SPATA13: variants seen among roughly 807,000 people sequenced by gnomAD.
SPATA13 encodes spermatogenesis associated 13.
In SPATA13, 50 loss-of-function variants were observed where a neutral mutation model predicts 104.0. The observed-to-expected ratio is 0.48, with a 90% CI of 0.38 to 0.61. The LOEUF is 0.61. Ranked by LOEUF, SPATA13 falls within the 20% of genes least tolerant of loss-of-function variation. The pLI is 0.00. For missense variants in SPATA13, 1,524 were observed against 1,690.6 expected (o/e 0.90, Z 1.73); for synonymous variants, 606 against 667.5 (o/e 0.91, Z 1.42).
intron 2 of SPATA13, among the ~76,000 whole-genome samples, chr13:24,232,676 G>C (rs1274612610): frequency 3.3e-5 from 5 of 152,128 alleles, no homozygotes; most frequent in African/African-American, 9.7e-5. Context: ...CCCCCACCCA[G>C]TAGCTGGGAC....
intron 2 of SPATA13, among the ~76,000 whole-genome samples, chr13:24,244,071 G>A (rs1228444400): frequency 6.6e-6 from 1 of 152,180 alleles, no homozygotes; most frequent in African/African-American, 2.4e-5. Context: ...GGGCTTCTTA[G>A]CCTCTTCCAG....
At chr13:24,290,602 T>C (rs1337892719) in intron 8 of SPATA13, 50 bp from the exon 9 acceptor site, 1 of 1,423,042 alleles carries the variant, frequency 7.0e-7, no homozygotes, top group African/African-American at 1.4e-5. Context: ...GTCTTTGTCA[T>C]GTCCCAGAGG....
chr13:24,167,680 C>T (rs182038260), intron 1 of SPATA13, among the ~76,000 whole-genome samples: 22 of 152,346 alleles, frequency 1.4e-4, no homozygotes, highest in African/African-American at 4.6e-4. Flanking sequence ...TACACACACA[C>T]ACACTCACTC....
intron 2 of SPATA13, among the ~76,000 whole-genome samples, chr13:24,240,219 C>T (rs1006174789): frequency 7.9e-5 from 12 of 151,858 alleles, no homozygotes; most frequent in Non-Finnish European, 1.2e-4. Flanking sequence ...GTGATTGCAC[C>T]ACTGCACTGC....
At chr13:24,235,190 T>G (rs1455850959) in intron 2 of SPATA13, among the ~76,000 whole-genome samples, 21 of 152,204 alleles carry the variant, frequency 1.4e-4, no homozygotes, top group Admixed American at 1.3e-3. Context: ...GACCTCGCCC[T>G]GAGTTACAAA....
chr13:24,001,847 G>A (rs1038751955), intron 2 of SPATA13, among the ~76,000 whole-genome samples: 2 of 151,976 alleles, frequency 1.3e-5, no homozygotes, highest in African/African-American at 4.8e-5. Flanking sequence ...GAGAGGCTCC[G>A]GCACTGACCC....
chr13:24,104,940 G>T (rs1189080512), intron 3 of SPATA13, among the ~76,000 whole-genome samples: 2 of 152,052 alleles, frequency 1.3e-5, no homozygotes, highest in African/African-American at 4.8e-5. Flanking sequence ...TTCTAGAATG[G>T]TGTCATCTCC....
At chr13:24,076,336 G>A (rs759712963) in intron 3 of SPATA13, among the ~76,000 whole-genome samples, 2 of 152,100 alleles carry the variant, frequency 1.3e-5, no homozygotes, top group African/African-American at 2.4e-5. Context: ...CAGACTCTCC[G>A]TCCCTGAGTG....
intron 4 of SPATA13, among the ~76,000 whole-genome samples, chr13:24,279,396 G>C (rs1050668346): frequency 5.9e-5 from 9 of 152,300 alleles, no homozygotes; most frequent in African/African-American, 2.2e-4. Flanking sequence ...CTGAGCAGAG[G>C]AGTGACACAA....
At position 24,143,979 on chromosome 13, in the gene SPATA13, T is replaced by C. The variant is rs1208075948; in HGVS notation, c.-111-78840T>C. ...AGGGCATATGATGAGAGGTCACAGGTGAGAAAGGCCGCCCAGGGTTGGCCA... is the reference window on the plus strand; with the variant it reads ...AGGGCATATGATGAGAGGTCACAGGCGAGAAAGGCCGCCCAGGGTTGGCCA... On this transcript the variant is annotated intron_variant, in intron 3 of 14. Transcript: ENST00000424834. 2.0e-5 allele frequency among the ~76,000 whole-genome samples: 3 copies of C among 152,016 alleles called. No homozygotes were observed. In the East Asian group the frequency reaches 5.8e-4, roughly 29 times the overall value.
At chr13:24,138,086 G>C (rs957191398) in intron 3 of SPATA13, among the ~76,000 whole-genome samples, 16 of 151,938 alleles carry the variant, frequency 1.1e-4, no homozygotes, top group Non-Finnish European at 1.3e-4. Flanking sequence ...GATCACCTGA[G>C]GTCAGGAATT....
At chr13:24,126,058 G>A (rs1881205179) in intron 3 of SPATA13, among the ~76,000 whole-genome samples, 1 of 152,180 alleles carries the variant, frequency 6.6e-6, no homozygotes, top group African/African-American at 2.4e-5. Context: ...ACAGGCGAGA[G>A]TCTTGCATCT....
chr13:24,116,785 G>A (rs1248383938), intron 3 of SPATA13, among the ~76,000 whole-genome samples: 2 of 145,574 alleles, frequency 1.4e-5, no homozygotes, highest in African/African-American at 5.0e-5. Flanking sequence ...CCCCCCCAAT[G>A]TGCTGATGTT....
chr13:24,257,516 T>C (rs1215072621), intron 4 of SPATA13, among the ~76,000 whole-genome samples: 1 of 152,222 alleles, frequency 6.6e-6, no homozygotes, highest in African/African-American at 2.4e-5. Flanking sequence ...GAAAATGCCC[T>C]TTTTGAGGGG....
At chr13:24,048,252 A>G (rs576639623) in intron 3 of SPATA13, among the ~76,000 whole-genome samples, 4 of 152,332 alleles carry the variant, frequency 2.6e-5, no homozygotes, top group Admixed American at 6.5e-5. Context: ...TTGTCTCACT[A>G]TGCTTTTAAT....
intron 3 of SPATA13, among the ~76,000 whole-genome samples, chr13:24,133,975 C>T (rs868302596): frequency 6.6e-6 from 1 of 152,104 alleles, no homozygotes; most frequent in African/African-American, 2.4e-5. Context: ...GGGGCTGGGT[C>T]GAGCCCCTGG....
At position 24,230,756 on chromosome 13, in the gene SPATA13, A is replaced by G. The variant is rs558633204; in HGVS notation, c.1653+6174A>G. On this transcript the variant is annotated intron_variant, in intron 2 of 12. Coordinates refer to ENST00000382108, the MANE Select transcript of SPATA13 (RefSeq NM_001166271.3). ...TGCAGACGGCTTGCAGAACTTCTGT[A>G]CAGGGTGGCTGGGTGGAGAGGAGGG... 2.0e-5 allele frequency among the ~76,000 whole-genome samples: 3 copies of G among 152,268 alleles called. No individual in the cohort carries two copies. The East Asian group carries it at 5.8e-4, about 29-fold the overall frequency.
chr13:24,069,315 TCTC>T (rs1879079764), intron 3 of SPATA13, among the ~76,000 whole-genome samples: 2 of 152,210 alleles, frequency 1.3e-5, no homozygotes, highest in Non-Finnish European at 2.9e-5. Flanking sequence ...GGTTTGTAGT[TCTC>T]CTTGTAAAGA....
chr13:24,014,879 AT>A (rs10566756), intron 2 of SPATA13, among the ~76,000 whole-genome samples: 117 of 78,662 alleles, frequency 1.5e-3, no homozygotes, highest in African/African-American at 4.6e-3. Context: ...CACTTTCTGG[AT>A]TTTTTTTTTT....
Sources: allele counts gnomAD v4.1 joint callset (sites outside exome capture counted in the v4.1 genomes callset), GRCh38; gene constraint gnomAD v4.1.1; transcripts MANE v1.5; gene names NCBI Gene and HGNC (gene_info 2026-07-23, HGNC 2026-07-21).